The following RPS6KC1 variants were observed in gnomAD, a reference collection of about 807,000 sequenced individuals.
RPS6KC1 encodes the protein inactive ribosomal protein S6 kinase delta-1.
In RPS6KC1, 54 loss-of-function variants were observed where a neutral mutation model predicts 103.8. That is an observed-to-expected ratio of 0.52 (90% CI 0.42 to 0.65). RPS6KC1 has a LOEUF of 0.65. Among genes scored for constraint, RPS6KC1 ranks in the 30% least tolerant of loss-of-function variants. The pLI is 0.00. For synonymous variants in RPS6KC1, 439 were observed against 438.7 expected (o/e 1.00, Z -0.01); for missense variants, 1,151 against 1,253.8 (o/e 0.92, Z 1.24).
the RPS6KC1 span, among the ~76,000 whole-genome samples, chr1:213,287,558 T>C: frequency 8.5e-3 from 1,292 of 152,246 alleles, 19 homozygotes; most frequent in African/African-American, 0.029. Context: ...CTTTGTTCAG[T>C]GTTATCAAGG....
intron 1 of RPS6KC1, among the ~76,000 whole-genome samples, chr1:213,064,521 C>T (rs1412800746): frequency 1.3e-5 from 2 of 151,542 alleles, no homozygotes; most frequent in African/African-American, 2.4e-5. Flanking sequence ...GTGGATGCCA[C>T]AAAGCCTAGC....
intron 14 of RPS6KC1, among the ~76,000 whole-genome samples, chr1:213,271,947 T>C (rs1285023660): frequency 1.3e-5 from 2 of 152,140 alleles, no homozygotes; most frequent in East Asian, 1.9e-4. Context: ...TTTTTACTTA[T>C]TTTACACATG....
At chr1:213,207,422 A>G (rs188274339) in intron 8 of RPS6KC1, among the ~76,000 whole-genome samples, 27 of 152,294 alleles carry the variant, frequency 1.8e-4, no homozygotes, top group African/African-American at 5.5e-4. Context: ...GCTACCATCT[A>G]TTCTTTCTGA....
the RPS6KC1 span, among the ~76,000 whole-genome samples, chr1:213,561,033 T>C: frequency 3.9e-5 from 6 of 152,330 alleles, no homozygotes; most frequent in Middle Eastern, 3.4e-3. Context: ...GATTGATGCC[T>C]TTCCTTGAGA....
chr1:213,382,165 G>T, the RPS6KC1 span, among the ~76,000 whole-genome samples: 3 of 152,164 alleles, frequency 2.0e-5, no homozygotes, highest in Admixed American at 6.5e-5. Flanking sequence ...AAAACCTCCA[G>T]CAAATAAGAA....
chr1:213,651,745 A>G, the RPS6KC1 span, among the ~76,000 whole-genome samples: 1 of 152,336 alleles, frequency 6.6e-6, no homozygotes, highest in Middle Eastern at 3.4e-3. Context: ...CTTCCCTAAT[A>G]GCTTTCATTA....
the RPS6KC1 span, among the ~76,000 whole-genome samples, chr1:213,646,925 T>A: frequency 6.6e-6 from 1 of 151,708 alleles, no homozygotes; most frequent in Non-Finnish European, 1.5e-5. Context: ...TTAGACAGAA[T>A]CTTGCTCTGT....
At chr1:213,653,828 T>A in the RPS6KC1 span, among the ~76,000 whole-genome samples, 1 of 152,226 alleles carries the variant, frequency 6.6e-6, no homozygotes, top group Non-Finnish European at 1.5e-5. Flanking sequence ...AATCTGCATT[T>A]TCACATTTTC....
chr1:213,176,584 A>T (rs575050767), intron 8 of RPS6KC1, 92 bp downstream of exon 8: 38 of 827,008 alleles, frequency 4.6e-5, no homozygotes, highest in Non-Finnish European at 7.0e-5. Flanking sequence ...AGGATATGAA[A>T]CAAAAGGAGA....
At chr1:213,396,510 C>A in the RPS6KC1 span, among the ~76,000 whole-genome samples, 2 of 152,322 alleles carry the variant, frequency 1.3e-5, no homozygotes, top group African/African-American at 4.8e-5. Context: ...GCTGGACCAC[C>A]GAACACGTGT....
the RPS6KC1 span, among the ~76,000 whole-genome samples, chr1:213,777,175 T>A: frequency 6.6e-6 from 1 of 152,340 alleles, no homozygotes; most frequent in Admixed American, 6.5e-5. Context: ...TCTGAAGAAC[T>A]TTTTCTTCAC....
At chr1:213,602,186 C>CTTTCTTTCTTTCT in the RPS6KC1 span, among the ~76,000 whole-genome samples, 1 of 94,110 alleles carries the variant, frequency 1.1e-5, no homozygotes. Flanking sequence ...TTCTTTCTTT[C>CTTTCTTTCTTTCT]TTTTTCCCTC....
At chr1:213,349,318 A>G in the RPS6KC1 span, among the ~76,000 whole-genome samples, 1 of 152,176 alleles carries the variant, frequency 6.6e-6, no homozygotes, top group Non-Finnish European at 1.5e-5. Context: ...CCCTCTGCCT[A>G]TACCCTATCC....
chr1:213,852,799 A>G, the RPS6KC1 span, among the ~76,000 whole-genome samples: 1 of 152,230 alleles, frequency 6.6e-6, no homozygotes, highest in African/African-American at 2.4e-5. Flanking sequence ...GATATTCACC[A>G]TCTATTTATC....
chr1:213,104,324 A>G, intron 3 of RPS6KC1, 130 bp from the exon 4 acceptor site: 1 of 535,524 alleles, frequency 1.9e-6, no homozygotes, highest in Non-Finnish European at 3.4e-6. Context: ...ATTTGACTTC[A>G]GAAGTTTGCA....
chr1:213,761,753 C>G, the RPS6KC1 span, among the ~76,000 whole-genome samples: 1 of 152,240 alleles, frequency 6.6e-6, no homozygotes, highest in Non-Finnish European at 1.5e-5. Context: ...AATATGCAGC[C>G]AGGTGGCAGG....
the RPS6KC1 span, among the ~76,000 whole-genome samples, chr1:213,305,251 A>G: frequency 2.6e-5 from 4 of 151,224 alleles, no homozygotes; most frequent in Non-Finnish European, 4.4e-5. Context: ...CACCCAGCTA[A>G]TTTTTTCTTA....
the RPS6KC1 span, among the ~76,000 whole-genome samples, chr1:213,469,806 C>G: frequency 1.3e-5 from 2 of 152,056 alleles, no homozygotes; most frequent in Non-Finnish European, 2.9e-5. Context: ...TGCTTGAGAC[C>G]AAGAGGTTGA....
the RPS6KC1 span, among the ~76,000 whole-genome samples, chr1:213,678,321 T>C: frequency 6.6e-6 from 1 of 152,236 alleles, no homozygotes; most frequent in Admixed American, 6.5e-5. Context: ...AGAACACAGC[T>C]GGCCCAAGGG....
Sources: allele counts gnomAD v4.1 joint callset (sites outside exome capture counted in the v4.1 genomes callset), GRCh38; gene constraint gnomAD v4.1.1; transcripts MANE v1.5; gene names NCBI Gene and HGNC (gene_info 2026-07-23, HGNC 2026-07-21).